Variants in ZHX2 observed in about 807,000 individuals in gnomAD.
ZHX2 encodes the protein zinc fingers and homeoboxes protein 2.
A neutral mutation model predicts 21.9 loss-of-function variants in ZHX2; 6 were observed. The observed-to-expected ratio is 0.27, with a 90% CI of 0.15 to 0.54. The LOEUF (loss-of-function observed/expected upper bound fraction) is 0.54. ZHX2 is among the 20% of genes least tolerant of loss of function. ZHX2 has a pLI of 0.95. For synonymous variants in ZHX2, 434 were observed against 437.1 expected, an observed-to-expected ratio of 0.99 and a Z score of 0.09; for missense variants, 908 against 1,090.7, an observed-to-expected ratio of 0.83 and a Z score of 2.36.
chr8:122,949,744 G>A (rs1038918385), intron 2 of ZHX2, among the ~76,000 whole-genome samples: 2 of 151,948 alleles, frequency 1.3e-5, no homozygotes, highest in Admixed American at 6.6e-5. Flanking sequence ...GGTGGTGTGT[G>A]CCTGTAGTTC....
chr8:122,951,885 A>C lies in ZHX2; in HGVS notation c.375A>C (p.Leu125=), dbSNP rs149407080. 11 of 1,613,934 alleles carry C rather than the reference A, an allele frequency of 6.8e-6. No homozygotes were observed. In the African/African-American group the frequency reaches 1.5e-4, roughly 22 times the overall value. Residue 125 remains leucine (L), a synonymous_variant, in exon 3 of 4, where the codon CTA becomes CTC. Coordinates refer to ENST00000314393, the MANE Select transcript of ZHX2 (RefSeq NM_014943.5). ...TCACAACCAAAAAGTACGACTCCCT[A>C]TCCGACCACAACTCCAAGTTCCATC... ...CNFTTKKYDS[L]SDHNSKFHPG...
At chr8:122,939,622 C>T (rs897583806) in intron 2 of ZHX2, among the ~76,000 whole-genome samples, 1 of 152,104 alleles carries the variant, frequency 6.6e-6, no homozygotes, top group Non-Finnish European at 1.5e-5. Context: ...CAAAGAGATG[C>T]TTGGAGATGG....
Position 122,782,434 on chromosome 8 carries a change from G to A in ZHX2, c.-283+488G>A, listed in dbSNP as rs1817306973. On this transcript the variant is annotated intron_variant, in intron 1 of 3. Coordinates refer to ENST00000314393, the MANE Select transcript of ZHX2 (RefSeq NM_014943.5). This position sits in a 1 kb window ranked among gnomAD's most constrained non-coding sequence, Gnocchi z 5.3. ...TTTGTGCAAACGGGGCAGGTCCCGCGGGGACTCCACCGGGACGTGGCCCCG... is the reference window on the plus strand; with the variant it reads ...TTTGTGCAAACGGGGCAGGTCCCGCAGGGACTCCACCGGGACGTGGCCCCG... Among the ~76,000 whole-genome samples the A allele has an allele frequency of 1.3e-5, 2 of 152,092 alleles. No individual in the cohort carries two copies. The highest frequency in any genetic ancestry group is 4.8e-5 in the African/African-American group (2 of 41,420).
At position 122,782,451 on chromosome 8, in the gene ZHX2, G is replaced by A. The variant is rs1029854685; in HGVS notation, c.-283+505G>A. ...GGTCCCGCGGGGACTCCACCGGGAC[G>A]TGGCCCCGTCTCCGCGCGTTTTGGC... On this transcript the variant is annotated intron_variant, in intron 1 of 3. Transcript: ENST00000314393. This position sits in a 1 kb window ranked among gnomAD's most constrained non-coding sequence, Gnocchi z 5.3. Among the ~76,000 whole-genome samples, 3 of 152,110 alleles carry A rather than the reference G, an allele frequency of 2.0e-5. No homozygotes were observed. Among genetic ancestry groups the A allele is most frequent in the East Asian group, 3.9e-4 (2 of 5,154 alleles).
At chr8:122,901,241 AC>A (rs1379081237) in intron 2 of ZHX2, among the ~76,000 whole-genome samples, 1 of 152,132 alleles carries the variant, frequency 6.6e-6, no homozygotes. Context: ...CTTTTTAAAA[AC>A]CACTATGCAT....
intron 1 of ZHX2, among the ~76,000 whole-genome samples, chr8:122,843,288 T>C (rs1435665273): frequency 6.6e-6 from 1 of 152,246 alleles, no homozygotes; most frequent in African/African-American, 2.4e-5. Flanking sequence ...AGTCATCATC[T>C]AAGAGTATAC....
chr8:122,804,881 C>T (rs1000683767), intron 1 of ZHX2, among the ~76,000 whole-genome samples: 1 of 152,170 alleles, frequency 6.6e-6, no homozygotes, highest in African/African-American at 2.4e-5. Context: ...GGAGCTGAAA[C>T]TAGAACACAG....
chr8:122,859,425 C>A (rs560781466), intron 1 of ZHX2, among the ~76,000 whole-genome samples: 80 of 152,320 alleles, frequency 5.3e-4, no homozygotes, highest in African/African-American at 1.9e-3. Context: ...CTTCTAAGCA[C>A]TTTATATGTA....
chr8:122,900,434 A>G (rs920616517), intron 2 of ZHX2, among the ~76,000 whole-genome samples: 2 of 152,164 alleles, frequency 1.3e-5, no homozygotes, highest in Non-Finnish European at 2.9e-5. Context: ...ACATTAATCT[A>G]TTTATGAAAG....
intron 1 of ZHX2, among the ~76,000 whole-genome samples, chr8:122,845,863 G>A (rs1003830706): frequency 1.3e-5 from 2 of 152,240 alleles, no homozygotes; most frequent in Non-Finnish European, 2.9e-5. Context: ...ACAACACATA[G>A]GGCCTGGAGG....
At chr8:122,865,918 C>T (rs755753096) in intron 2 of ZHX2, among the ~76,000 whole-genome samples, 17 of 152,164 alleles carry the variant, frequency 1.1e-4, no homozygotes, top group Non-Finnish European at 2.2e-4. Flanking sequence ...ATCCTCTAAG[C>T]TGGAGATGCT....
chr8:122,913,232 G>T (rs1820522017), intron 2 of ZHX2, among the ~76,000 whole-genome samples: 1 of 152,212 alleles, frequency 6.6e-6, no homozygotes, highest in Non-Finnish European at 1.5e-5. Context: ...TGCCAAAGAA[G>T]ATTCCATTGT....
At chr8:122,847,465 C>A (rs563055915) in intron 1 of ZHX2, among the ~76,000 whole-genome samples, 1 of 152,348 alleles carries the variant, frequency 6.6e-6, no homozygotes, top group African/African-American at 2.4e-5. Flanking sequence ...ACAGGCACGT[C>A]ATGTCATTGA....
intron 1 of ZHX2, among the ~76,000 whole-genome samples, chr8:122,806,455 A>T (rs547230067): frequency 2.0e-5 from 3 of 152,360 alleles, no homozygotes; most frequent in Admixed American, 6.5e-5. Context: ...TGCATTACAG[A>T]AAACTCATGA....
chr8:122,875,129 TTATATATATATATA>T (rs71310631), intron 2 of ZHX2, among the ~76,000 whole-genome samples: 13 of 10,218 alleles, frequency 1.3e-3, no homozygotes, highest in Admixed American at 3.8e-3. Flanking sequence ...GAAAACTCTG[TTATATATATATATA>T]TATATATATA....
At chr8:122,920,123 A>T (rs1263974366) in intron 2 of ZHX2, among the ~76,000 whole-genome samples, 2 of 152,058 alleles carry the variant, frequency 1.3e-5, no homozygotes, top group Non-Finnish European at 2.9e-5. Context: ...AAACTACAAA[A>T]ATTAGCCAGG....
chr8:122,835,321 A>G (rs930428277), intron 1 of ZHX2, among the ~76,000 whole-genome samples: 1 of 152,262 alleles, frequency 6.6e-6, no homozygotes, highest in Non-Finnish European at 1.5e-5. Flanking sequence ...GAGTAAGGGC[A>G]GGAGAGAAGG....
intron 3 of ZHX2, among the ~76,000 whole-genome samples, chr8:122,970,432 T>TAACC (rs1813691547): frequency 1.3e-5 from 2 of 152,130 alleles, no homozygotes; most frequent in Non-Finnish European, 2.9e-5. Flanking sequence ...TTGCACCCTG[T>TAACC]CTGTAACCCT....
At chr8:122,788,795 G>A (rs946256322) in intron 1 of ZHX2, among the ~76,000 whole-genome samples, 19 of 152,302 alleles carry the variant, frequency 1.2e-4, no homozygotes, top group African/African-American at 4.3e-4. Context: ...TAGTCTGATT[G>A]CTTTTCTGAT....
Sources: gnomAD v4.1 joint callset for allele counts (sites outside exome capture counted in the v4.1 genomes callset) on GRCh38, gnomAD v4.1.1 for gene constraint, Gnocchi (gnomAD v3.1) non-coding constraint, MANE v1.5 for transcripts, NCBI Gene and HGNC (gene_info 2026-07-23, HGNC 2026-07-21) for gene names.